The following TCN2 variants were observed in gnomAD, a reference collection of about 807,000 sequenced individuals.
TCN2 encodes transcobalamin-2.
In TCN2, 34 loss-of-function variants were observed where a neutral mutation model predicts 48.6. The observed-to-expected ratio is 0.70, with a 90% CI of 0.53 to 0.93. The LOEUF (loss-of-function observed/expected upper bound fraction) is 0.93. Ranked by LOEUF, TCN2 falls within the 40% of genes least tolerant of loss-of-function variation. TCN2 has a pLI of 0.00. For synonymous variants in TCN2, 283 were observed against 212.5 expected (o/e 1.33, Z -2.89); for missense variants, 652 against 526.1 (o/e 1.24, Z -2.34).
rs150065499 is a variant in TCN2 at position 30,622,782 on chromosome 22, G to A, written c.1107-186G>A. ...GGATGAAGCCTGAGCAGGCAGGATC[G>A]GGGGTCTGGAGGGGAAGGAGGTGGA... On this transcript the variant is annotated intron_variant, in intron 7 of 8. Transcript: ENST00000215838. 4.7e-3 allele frequency among the ~76,000 whole-genome samples: 709 copies of A among 152,296 alleles called. 9 individuals are homozygous for A. Among genetic ancestry groups the A allele is most frequent in the African/African-American group, 0.016 (679 of 41,550 alleles).
intron 6 of TCN2, among the ~76,000 whole-genome samples, chr22:30,616,025 TTGGATGGATGGATGGATGGATGGA>T (rs34383530): frequency 4.7e-5 from 7 of 149,482 alleles, no homozygotes; most frequent in South Asian, 2.2e-4. Context: ...ACAGAAATGT[TTGGATGGATGGATGGATGGATGGA>T]TGGATGGATG....
chr22:30,625,915 C>T lies in TCN2; in HGVS notation c.1223-545C>T, dbSNP rs147484481. Among the ~76,000 whole-genome samples the T allele has an allele frequency of 2.2e-3, 328 of 152,254 alleles. 2 individuals carry two copies. Among genetic ancestry groups the T allele is most frequent in the African/African-American group, 7.5e-3 (312 of 41,544 alleles). On this transcript the variant is annotated intron_variant, in intron 8 of 8. Coordinates refer to ENST00000215838, the MANE Select transcript of TCN2 (RefSeq NM_000355.4). ...GACACAGACATTTTAGACCATAGCA[C>T]CTCCATTGAAAGGAAACATTTCTGA...
intron 8 of TCN2, among the ~76,000 whole-genome samples, chr22:30,625,968 A>G (rs1171738439): frequency 6.6e-6 from 1 of 152,172 alleles, no homozygotes; most frequent in Non-Finnish European, 1.5e-5. Flanking sequence ...GGGCCCTTTC[A>G]GTTCCCCTGC....
intron 1 of TCN2, chr22:30,610,358 T>G: frequency 2.2e-6 from 1 of 462,860 alleles, no homozygotes; most frequent in Non-Finnish European, 4.5e-6. Flanking sequence ...GCATGTGGGC[T>G]GATGTTTTTG....
In TCN2 at chr22:30,626,603, CG is replaced by C. The variant is rs1374776371; in HGVS notation, c.*83del. 6.0e-6 allele frequency: 9 copies of C among 1,495,196 alleles called. No individual in the cohort carries two copies. In the African/African-American group the frequency reaches 9.6e-5, roughly 16 times the overall value. The allele number at this position is 1,495,196 out of a possible 1,614,324, so 92.6% of individuals were successfully genotyped here. A position where few individuals can be genotyped will look rare whatever the true frequency, so the allele number is the denominator to read the frequency against. ...TCCTGATGTCCCTGGAACAGGAACT[CG>C]CCTGACCCTGCTGCCACCTCCTGTG... On this transcript the variant is annotated 3_prime_UTR_variant, in exon 9 of 9. Transcript: ENST00000215838.
At chr22:30,615,170 G>A (rs2087593576) in intron 4 of TCN2, 131 bp from the exon 5 acceptor site, 1 of 927,690 alleles carries the variant, frequency 1.1e-6, no homozygotes, top group Non-Finnish European at 1.7e-6. Context: ...TAGCTGATCT[G>A]ACCATGTTGC....
chr22:30,626,445 A>C lies in TCN2; in HGVS notation c.1223-15A>C, dbSNP rs779181993. 3 of 1,614,110 alleles carry C rather than the reference A, an allele frequency of 1.9e-6. No homozygotes were observed. The highest frequency in any genetic ancestry group is 3.3e-5 in the Admixed American group (2 of 60,004). ...CTGCCCAATTCGCCCCTCCTTGCTC[A>C]ATCTGTTTCTGCAGGTATTGCTGAC... is the stretch of plus-strand genomic sequence containing the variant. On this transcript the variant is annotated splice_polypyrimidine_tract_variant and intron_variant, in intron 8 of 8. Transcript: ENST00000215838.
chr22:30,615,539 T>C, intron 5 of TCN2, 62 bp from the exon 6 acceptor site: 1 of 1,613,858 alleles, frequency 6.2e-7, no homozygotes, highest in Non-Finnish European at 8.5e-7. Flanking sequence ...GGTCAGGTGC[T>C]GGAACACCTA....
chr22:30,626,883 G>C lies in TCN2; in HGVS notation c.*362G>C. On this transcript the variant is annotated 3_prime_UTR_variant, in exon 9 of 9. Transcript: ENST00000215838. ...TGTGAAGACCACTCGTTCTGTGGTT[G>C]GGGTCCTGCAAGAAGGCCTCCTCAG... The C allele has an allele frequency of 2.7e-6, 1 of 376,480 alleles. No homozygotes were observed. Among genetic ancestry groups the C allele is most frequent in the Non-Finnish European group, 5.1e-6 (1 of 196,534 alleles). The allele number at this position is 376,480 out of a possible 1,614,324, so 23.3% of individuals were successfully genotyped here.
intron 8 of TCN2, among the ~76,000 whole-genome samples, chr22:30,623,857 C>T (rs376678671): frequency 0.014 from 339 of 23,860 alleles, 34 homozygotes; most frequent in Admixed American, 0.017. Context: ...CATACACATA[C>T]ATACACACAT....
chr22:30,626,522 CCCCTGAGCT>C lies in TCN2; in HGVS notation c.*6_*14del. 2 of 1,614,038 alleles carry C rather than the reference CCCCTGAGCT, an allele frequency of 1.2e-6. No homozygotes were observed. Among genetic ancestry groups the C allele is most frequent in the Non-Finnish European group, 1.7e-6 (2 of 1,180,004 alleles). On this transcript the variant is annotated 3_prime_UTR_variant, in exon 9 of 9. Coordinates refer to ENST00000215838, the MANE Select transcript of TCN2 (RefSeq NM_000355.4). ...TGAGCTGAGGCTGGTTAGCTGGTAG[CCCCTGAGCT>C]CCCTCATCCCAGCAGCCTCGCACAC...
chr22:30,626,444 C>A lies in TCN2; in HGVS notation c.1223-16C>A. ...TCTGCCCAATTCGCCCCTCCTTGCTCAATCTGTTTCTGCAGGTATTGCTGA... is the reference window on the plus strand; with the variant it reads ...TCTGCCCAATTCGCCCCTCCTTGCTAAATCTGTTTCTGCAGGTATTGCTGA... On this transcript the variant is annotated splice_polypyrimidine_tract_variant and intron_variant, in intron 8 of 8. Transcript: ENST00000215838. The A allele has an allele frequency of 6.2e-7, 1 of 1,614,070 alleles. No individual in the cohort carries two copies. The highest frequency in any genetic ancestry group is 1.7e-4 in the Middle Eastern group (1 of 6,058).
In TCN2 at chr22:30,610,922, T is replaced by TA; in HGVS notation, c.117dup (p.Pro40ThrfsTer54). Reference sequence around the variant, plus strand: ...GTAGAGAAGTTGGGCCAGCACCTCTTACCTTGGATGGACCGGCTTTCCCTG... The same window carrying TA: ...GTAGAGAAGTTGGGCCAGCACCTCTTAACCTTGGATGGACCGGCTTTCCCTG... On this transcript the variant is annotated frameshift_variant, in exon 2 of 9. Transcript: ENST00000215838. LOFTEE classifies it high-confidence loss of function. 3 of 1,614,210 alleles carry TA rather than the reference T, an allele frequency of 1.9e-6. No homozygotes were observed. The highest frequency in any genetic ancestry group is 2.5e-6 in the Non-Finnish European group (3 of 1,180,044).
At position 30,615,292 on chromosome 22, in the gene TCN2, C is replaced by A. The variant is rs775953548; in HGVS notation, c.581-9C>A. On this transcript the variant is annotated splice_polypyrimidine_tract_variant and intron_variant, in intron 4 of 8. Coordinates refer to ENST00000215838, the MANE Select transcript of TCN2 (RefSeq NM_000355.4). ...CCAGCTCATTGCATGTTCTGTCCCC[C>A]ACTTCAAGACACAGCAGCCATGGCA... 1 of 1,614,180 alleles carries A rather than the reference C, an allele frequency of 6.2e-7. No individual in the cohort carries two copies. The highest frequency in any genetic ancestry group is 8.5e-7 in the Non-Finnish European group (1 of 1,180,022).
At chr22:30,620,712 G>A (rs150013286) in intron 7 of TCN2, among the ~76,000 whole-genome samples, 303 of 152,302 alleles carry the variant, frequency 2.0e-3, no homozygotes, top group Admixed American at 6.5e-3. Context: ...TTCAGAGCTC[G>A]GGGATCTCTG....
rs558478279 is a variant in TCN2 at position 30,618,393 on chromosome 22, C to G, written c.1106+898C>G. Among the ~76,000 whole-genome samples, 17 of 152,130 alleles carry G rather than the reference C, an allele frequency of 1.1e-4. No individual in the cohort carries two copies. The South Asian group carries it at 3.3e-3, about 30-fold the overall frequency. Reference sequence around the variant, plus strand: ...TCGAGACAGAGCCTCTCTCTTTCACCTAGGCTGGAGTGCAGTGGCGCAATC... The same window carrying G: ...TCGAGACAGAGCCTCTCTCTTTCACGTAGGCTGGAGTGCAGTGGCGCAATC... On this transcript the variant is annotated intron_variant, in intron 7 of 8. Transcript: ENST00000215838.
chr22:30,613,807 G>A (rs1247603239), intron 3 of TCN2, among the ~76,000 whole-genome samples: 1 of 152,162 alleles, frequency 6.6e-6, no homozygotes, highest in Non-Finnish European at 1.5e-5. Flanking sequence ...GGCCCAGCCT[G>A]TCTACCCTTA....
At chr22:30,621,278 C>T (rs181257694) in intron 7 of TCN2, among the ~76,000 whole-genome samples, 2 of 152,148 alleles carry the variant, frequency 1.3e-5, no homozygotes, top group East Asian at 1.9e-4. Flanking sequence ...CAGATGTGAC[C>T]CACCGCGCCC....
At position 30,615,715 on chromosome 22, in the gene TCN2, T is replaced by G. The variant is rs1423032257; in HGVS notation, c.868T>G (p.Ser290Ala). 1 of 1,614,220 alleles carries G rather than the reference T, an allele frequency of 6.2e-7. No individual in the cohort carries two copies. Among genetic ancestry groups the G allele is most frequent in the Non-Finnish European group, 8.5e-7 (1 of 1,180,042 alleles). ...AGCCTTCCAGAATGCTCTCATGATT[T>G]CCCAGCTGCTGCCCGTTCTGAACCA... is the stretch of plus-strand genomic sequence containing the variant. The part of the protein sequence containing the change: ...DGAFQNALMI[S>A]QLLPVLNHKT... The change falls in exon 6 of 9, where the codon TCC (serine) becomes GCC (alanine). Residue 290 changes from serine (S) to alanine (A), a missense_variant. Transcript: ENST00000215838.
Sources: allele counts gnomAD v4.1 joint callset (sites outside exome capture counted in the v4.1 genomes callset), GRCh38; gene constraint gnomAD v4.1.1; transcripts MANE v1.5; gene names NCBI Gene and HGNC (gene_info 2026-07-23, HGNC 2026-07-21).